Variants in YIPF7 observed in about 807,000 individuals in gnomAD.
YIPF7 encodes the protein protein YIPF7.
In YIPF7, 35 loss-of-function variants were observed where a neutral mutation model predicts 27.2. The observed-to-expected ratio is 1.29, with a 90% CI of 0.98 to 1.70. The LOEUF (loss-of-function observed/expected upper bound fraction) is 1.70, where lower values mean the gene tolerates loss of function less well. Ranked by LOEUF, YIPF7 falls within the 40% of genes most tolerant of loss-of-function variation. The pLI is 0.00. For missense variants in YIPF7, 358 were observed against 303.7 expected (o/e 1.18, Z -1.33); for synonymous variants, 137 against 110.4 (o/e 1.24, Z -1.51).
In YIPF7 at chr4:44,644,518, T is replaced by C. The variant is rs553223434; in HGVS notation, c.116+5467A>G. Reference sequence around the variant, plus strand: ...AAACTTGCATGGGACATTCCCTTTTTTTGGCCAATTTATCCCTTTTAGAAT... The same window carrying C: ...AAACTTGCATGGGACATTCCCTTTTCTTGGCCAATTTATCCCTTTTAGAAT... On this transcript the variant is annotated intron_variant, in intron 2 of 5. Transcript: ENST00000415895. Among the ~76,000 whole-genome samples, 4 of 152,306 alleles carry C rather than the reference T, an allele frequency of 2.6e-5. No homozygotes were observed. In the South Asian group the frequency reaches 8.3e-4, roughly 32 times the overall value.
intron 2 of YIPF7, among the ~76,000 whole-genome samples, chr4:44,659,666 C>T (rs1282012602): frequency 1.3e-5 from 2 of 152,008 alleles, no homozygotes; most frequent in Non-Finnish European, 2.9e-5. Context: ...AACCAAAAAT[C>T]TCATATAAAG....
chr4:44,651,727 C>T, upstream of YIPF7: 2 of 684,678 alleles, frequency 2.9e-6, no homozygotes, highest in Non-Finnish European at 4.7e-6. Flanking sequence ...CTGCCAAAAG[C>T]CAAATACAGT....
chr4:44,632,153 T>C (rs531132558), intron 3 of YIPF7, among the ~76,000 whole-genome samples: 1 of 152,278 alleles, frequency 6.6e-6, no homozygotes, highest in Admixed American at 6.5e-5. Context: ...ATCTCTATAA[T>C]ATTGTGGTTT....
At chr4:44,626,734 T>G (rs546623177) in intron 4 of YIPF7, among the ~76,000 whole-genome samples, 1 of 145,838 alleles carries the variant, frequency 6.9e-6, no homozygotes, top group Admixed American at 6.9e-5. Context: ...TTTTTAAGGA[T>G]CCTCCCTATT....
intron 5 of YIPF7, among the ~76,000 whole-genome samples, chr4:44,624,222 G>A (rs62306210): frequency 0.034 from 5,214 of 151,838 alleles, 137 homozygotes; most frequent in Middle Eastern, 0.058. Context: ...GCGCCACCAT[G>A]CCTGGCTAAT....
intron 2 of YIPF7, among the ~76,000 whole-genome samples, chr4:44,659,988 C>T (rs978676051): frequency 9.2e-5 from 14 of 151,646 alleles, no homozygotes; most frequent in Admixed American, 2.6e-4. Flanking sequence ...GTGGCGGCTG[C>T]CTGTAGTCCC....
At chr4:44,637,468 G>T (rs1713168217) in intron 2 of YIPF7, among the ~76,000 whole-genome samples, 1 of 152,098 alleles carries the variant, frequency 6.6e-6, no homozygotes, top group Non-Finnish European at 1.5e-5. Context: ...TCTCACTGTT[G>T]TTTTAATTTT....
chr4:44,647,829 C>A (rs1204365019), intron 2 of YIPF7, among the ~76,000 whole-genome samples: 1 of 152,002 alleles, frequency 6.6e-6, no homozygotes, highest in Non-Finnish European at 1.5e-5. Context: ...AGAAGACTCC[C>A]CACTGCCTGT....
intron 2 of YIPF7, among the ~76,000 whole-genome samples, chr4:44,640,198 T>A (rs547210790): frequency 5.1e-4 from 78 of 152,210 alleles, no homozygotes; most frequent in Non-Finnish European, 9.1e-4. Context: ...TTACTGGCCT[T>A]GTAGAATGAC....
chr4:44,645,578 G>T (rs1340337050), intron 2 of YIPF7, among the ~76,000 whole-genome samples: 2 of 152,134 alleles, frequency 1.3e-5, no homozygotes, highest in African/African-American at 4.8e-5. Context: ...CTCTTCTCCT[G>T]TATTATGCAA....
intron 2 of YIPF7, among the ~76,000 whole-genome samples, chr4:44,658,692 T>C (rs1352433060): frequency 6.6e-6 from 1 of 152,212 alleles, no homozygotes; most frequent in East Asian, 1.9e-4. Context: ...GATAAAGGCA[T>C]ACCCGAGACT....
intron 2 of YIPF7, among the ~76,000 whole-genome samples, chr4:44,645,413 C>T (rs1412061096): frequency 1.3e-5 from 2 of 152,274 alleles, no homozygotes; most frequent in Middle Eastern, 3.4e-3. Flanking sequence ...GGACACTTCA[C>T]TATTTGCTCT....
At chr4:44,639,807 A>G (rs1713266039) in intron 2 of YIPF7, among the ~76,000 whole-genome samples, 1 of 152,168 alleles carries the variant, frequency 6.6e-6, no homozygotes, top group East Asian at 1.9e-4. Context: ...TTTCACATTC[A>G]GCATGATGTT....
At chr4:44,627,069 A>T (rs1712682873) in intron 4 of YIPF7, among the ~76,000 whole-genome samples, 1 of 151,930 alleles carries the variant, frequency 6.6e-6, no homozygotes, top group Non-Finnish European at 1.5e-5. Context: ...GGCATGAGCC[A>T]CCGCACCAGG....
intron 2 of YIPF7, among the ~76,000 whole-genome samples, chr4:44,640,478 C>T (rs1577739025): frequency 1.3e-5 from 2 of 152,322 alleles, no homozygotes; most frequent in East Asian, 3.9e-4. Flanking sequence ...AGAAACAGTC[C>T]TCAGGCCTCT....
chr4:44,631,529 T>C (rs564444407), intron 3 of YIPF7, among the ~76,000 whole-genome samples: 133 of 152,240 alleles, frequency 8.7e-4, no homozygotes, highest in Admixed American at 2.8e-3. Flanking sequence ...AGCTAGACAC[T>C]GGTCTAAACC....
Position 44,635,937 on chromosome 4 carries a change from G to T in YIPF7, c.265C>A (p.Pro89Thr), listed in dbSNP as rs187969734. The T allele has an allele frequency of 1.1e-4, 180 of 1,613,626 alleles. 1 individual carries two copies. The East Asian group carries it at 3.6e-3, about 32-fold the overall frequency. Residue 89 changes from proline (P) to threonine (T), a missense_variant, in exon 3 of 6, where the codon CCT (proline) becomes ACT (threonine). Physicochemically the swap from Pro to Thr is conservative, Grantham distance 38. Coordinates refer to ENST00000415895, the MANE Select transcript of YIPF7 (RefSeq NM_182592.3). ...SPYIDSFDEE[P>T]PLLEELGIHF... Reference sequence around the variant, plus strand: ...CTTAACTTATCTTCTAGCAAAGGAGGCTCTTCATCAAAACTGTCAATGTAA... The same window carrying T: ...CTTAACTTATCTTCTAGCAAAGGAGTCTCTTCATCAAAACTGTCAATGTAA...
In YIPF7 at chr4:44,622,432, G is replaced by T. The variant is rs752318273; in HGVS notation, c.753C>A (p.Ala251=). 2 of 1,612,964 alleles carry T rather than the reference G, an allele frequency of 1.2e-6. No homozygotes were observed. Among genetic ancestry groups the T allele is most frequent in the South Asian group, 1.1e-5 (1 of 90,772 alleles). ...ACATTCTTTAGAAAATTGTTAGGAG[G>T]GCAAAAAGTCCATAAAGTATGGCAC... The part of the protein sequence containing the change: ...YPCAILYGLF[A]LLTIF Residue 251 remains alanine (A), a synonymous_variant, in exon 6 of 6, where the codon GCC becomes GCA. Transcript: ENST00000415895.
At chr4:44,652,680 T>G, upstream of YIPF7, among the ~76,000 whole-genome samples, 1 of 152,228 alleles carries the variant, frequency 6.6e-6, no homozygotes, top group African/African-American at 2.4e-5. Flanking sequence ...CTGTTGTAGA[T>G]GCCAGGGTTT....
Sources: allele counts gnomAD v4.1 joint callset (sites outside exome capture counted in the v4.1 genomes callset), GRCh38; gene constraint gnomAD v4.1.1; transcripts MANE v1.5; gene names NCBI Gene and HGNC (gene_info 2026-07-23, HGNC 2026-07-21).